PEMT: variants seen among roughly 807,000 people sequenced by gnomAD.
PEMT encodes the protein phosphatidylethanolamine N-methyltransferase.
In PEMT, 23 loss-of-function variants were observed where a neutral mutation model predicts 27.4. The observed-to-expected ratio is 0.84, with a 90% confidence interval of 0.60 to 1.19. The LOEUF is 1.19. Among genes scored for constraint, PEMT ranks in the 50% most tolerant of loss-of-function variants. PEMT has a pLI of 0.00. For missense variants in PEMT, 307 were observed against 310.1 expected (o/e 0.99, Z 0.07); for synonymous variants, 137 against 139.1 (o/e 0.98, Z 0.11).
At chr17:17,536,407 A>T (rs1908475964) in intron 2 of PEMT, among the ~76,000 whole-genome samples, 1 of 152,196 alleles carries the variant, frequency 6.6e-6, no homozygotes, top group Admixed American at 6.5e-5. Flanking sequence ...CCCCTCACTC[A>T]GACCCCAGCC....
chr17:17,542,293 C>T (rs889185422), intron 2 of PEMT, among the ~76,000 whole-genome samples: 2 of 152,232 alleles, frequency 1.3e-5, no homozygotes, highest in African/African-American at 2.4e-5. Flanking sequence ...CCTTGTTCTT[C>T]TTTAAGGCAA....
chr17:17,589,589 A>G (rs1237020892), intron 1 of PEMT, among the ~76,000 whole-genome samples: 1 of 152,224 alleles, frequency 6.6e-6, no homozygotes, highest in East Asian at 1.9e-4. Context: ...TCTACTGGAC[A>G]GCACAGCAGC....
chr17:17,560,854 C>T (rs11657281), intron 2 of PEMT, among the ~76,000 whole-genome samples: 1 of 151,456 alleles, frequency 6.6e-6, no homozygotes, highest in South Asian at 2.1e-4. Context: ...TCACCCCACC[C>T]TCACCTACAC....
intron 2 of PEMT, among the ~76,000 whole-genome samples, chr17:17,558,848 C>T (rs1037716723): frequency 2.0e-5 from 3 of 152,082 alleles, no homozygotes; most frequent in Non-Finnish European, 4.4e-5. Context: ...GCCCCCACCA[C>T]CTAGCAGGAA....
chr17:17,567,362 T>G (rs751080739), intron 2 of PEMT, among the ~76,000 whole-genome samples: 5 of 152,404 alleles, frequency 3.3e-5, no homozygotes, highest in Admixed American at 1.3e-4. Flanking sequence ...CCTAGCCTGA[T>G]AGCAGAGGCT....
At chr17:17,552,302 A>G (rs1909709826) in intron 2 of PEMT, among the ~76,000 whole-genome samples, 1 of 151,536 alleles carries the variant, frequency 6.6e-6, no homozygotes, top group Non-Finnish European at 1.5e-5. Flanking sequence ...ACAGAGGGAG[A>G]CTCTGACTCA....
intron 2 of PEMT, among the ~76,000 whole-genome samples, chr17:17,542,846 T>G (rs1908983508): frequency 6.6e-6 from 1 of 152,170 alleles, no homozygotes; most frequent in Non-Finnish European, 1.5e-5. Flanking sequence ...CGGCCACCGT[T>G]GCAGGAGCAG....
chr17:17,522,039 G>A (rs1907305029), intron 3 of PEMT, among the ~76,000 whole-genome samples: 1 of 152,220 alleles, frequency 6.6e-6, no homozygotes, highest in Admixed American at 6.5e-5. Context: ...GGACCACCCA[G>A]GCATTGTCCC....
At chr17:17,550,067 A>G (rs1909539133) in intron 2 of PEMT, among the ~76,000 whole-genome samples, 1 of 152,204 alleles carries the variant, frequency 6.6e-6, no homozygotes, top group Non-Finnish European at 1.5e-5. Flanking sequence ...TTCCTCCCTG[A>G]TAGCGGGGGG....
At chr17:17,514,899 G>A (rs1049307664) in intron 3 of PEMT, among the ~76,000 whole-genome samples, 3 of 152,230 alleles carry the variant, frequency 2.0e-5, no homozygotes, top group Non-Finnish European at 4.4e-5. Context: ...TGGGAGGGGC[G>A]AACAGGGGAG....
At chr17:17,534,343 T>C (rs930705837) in intron 2 of PEMT, among the ~76,000 whole-genome samples, 1 of 152,072 alleles carries the variant, frequency 6.6e-6, no homozygotes, top group Non-Finnish European at 1.5e-5. Flanking sequence ...CAGACAAACA[T>C]AGAGTATACT....
At chr17:17,556,301 C>T (rs892400840) in intron 2 of PEMT, among the ~76,000 whole-genome samples, 1 of 152,104 alleles carries the variant, frequency 6.6e-6, no homozygotes, top group African/African-American at 2.4e-5. Flanking sequence ...AGGTACCCAG[C>T]AAACTGGATG....
At chr17:17,518,216 G>T in intron 3 of PEMT, 1 of 916,928 alleles carries the variant, frequency 1.1e-6, no homozygotes, top group Non-Finnish European at 1.3e-6. Flanking sequence ...TCCTCCCACA[G>T]CCAGGAGGGA....
intron 2 of PEMT, chr17:17,570,387 C>G (rs1911110956): frequency 2.4e-6 from 1 of 422,772 alleles, no homozygotes; most frequent in African/African-American, 2.1e-5. Context: ...CAAGGGACAT[C>G]AGGCAATGTC....
intron 2 of PEMT, among the ~76,000 whole-genome samples, chr17:17,534,886 T>A (rs1478851801): frequency 6.6e-6 from 1 of 150,860 alleles, no homozygotes; most frequent in Non-Finnish European, 1.5e-5. Flanking sequence ...TGGTTATTCC[T>A]CTATAAGGCT....
intron 1 of PEMT, among the ~76,000 whole-genome samples, chr17:17,586,280 GAAA>G (rs1912297662): frequency 6.5e-5 from 6 of 92,354 alleles, no homozygotes; most frequent in African/African-American, 2.5e-4. Context: ...AAGAAAGAAA[GAAA>G]GAAAGAAAAA....
chr17:17,512,840 G>A lies in PEMT; in HGVS notation c.321-186C>T, dbSNP rs1369831967. ...CCTGGGAGGTGGGTGACAGTAACAG[G>A]GAGGGGCCCAGGCCTGTCAGATTTT... On this transcript the variant is annotated intron_variant, in intron 3 of 6. Coordinates refer to ENST00000255389, the MANE Select transcript of PEMT (RefSeq NM_148172.3). The surrounding 1 kb of genome is among the most constrained non-coding windows in gnomAD (Gnocchi z 6.3). Among the ~76,000 whole-genome samples, 1 of 152,180 alleles carries A rather than the reference G, an allele frequency of 6.6e-6. No homozygotes were observed. Among genetic ancestry groups the A allele is most frequent in the Non-Finnish European group, 1.5e-5 (1 of 68,020 alleles).
chr17:17,547,778 G>A (rs972168546), intron 2 of PEMT, among the ~76,000 whole-genome samples: 4 of 152,054 alleles, frequency 2.6e-5, no homozygotes, highest in African/African-American at 4.8e-5. Flanking sequence ...ACCTCCAAGC[G>A]CCCGTGAACT....
At chr17:17,589,093 T>C (rs1295682597) in intron 1 of PEMT, among the ~76,000 whole-genome samples, 1 of 152,218 alleles carries the variant, frequency 6.6e-6, no homozygotes, top group Non-Finnish European at 1.5e-5. Flanking sequence ...CCCGAGTAGC[T>C]GGGATTACAG....
Sources: gnomAD v4.1 joint callset for allele counts (sites outside exome capture counted in the v4.1 genomes callset) on GRCh38, gnomAD v4.1.1 for gene constraint, Gnocchi (gnomAD v3.1) non-coding constraint, MANE v1.5 for transcripts, NCBI Gene and HGNC (gene_info 2026-07-23, HGNC 2026-07-21) for gene names.